The following OTOG variants were observed in gnomAD, a reference collection of about 807,000 sequenced individuals.
OTOG encodes otogelin.
Under a neutral mutation model 313.8 loss-of-function variants are expected in OTOG, and 296 were observed. The observed-to-expected ratio is 0.94, with a 90% CI of 0.86 to 1.04. OTOG has a LOEUF of 1.04. Ranked by LOEUF, OTOG falls within the 50% of genes least tolerant of loss-of-function variation. The pLI is 0.00. For missense variants in OTOG, 3,948 were observed against 3,840.1 expected (o/e 1.03, Z -0.74); for synonymous variants, 1,533 against 1,554.9 (o/e 0.99, Z 0.33).
chr11:17,610,460 G>A lies in OTOG; in HGVS notation c.5160G>A (p.Val1720=). Residue 1720 remains valine (V), a synonymous_variant, in exon 36 of 56, where the codon GTG becomes GTA. Coordinates refer to ENST00000399397, the MANE Select transcript of OTOG (RefSeq NM_001292063.2). The stretch of plus-strand genomic sequence containing the variant: ...TTGCAACCAGGAGCTTGGAGATAGT[G>A]CTATCCACAGAGAAGGGCGAAGCCG... ...SPLATRSLEI[V]LSTEKGEAGH... 6.4e-7 allele frequency: 1 copy of A among 1,550,606 alleles called. No individual in the cohort carries two copies. The highest frequency in any genetic ancestry group is 8.7e-7 in the Non-Finnish European group (1 of 1,146,978).
chr11:17,547,613 G>A, intron 1 of OTOG, 147 bp downstream of exon 1: 1 of 1,259,750 alleles, frequency 7.9e-7, no homozygotes, highest in Non-Finnish European at 1.0e-6. Flanking sequence ...AGCAGTCAGG[G>A]GAGGAGGGAC....
chr11:17,552,085 A>G lies in OTOG; in HGVS notation c.292+10A>G. 3.2e-6 allele frequency: 5 copies of G among 1,550,078 alleles called. No individual in the cohort carries two copies. Among genetic ancestry groups the G allele is most frequent in the Non-Finnish European group, 4.4e-6 (5 of 1,146,530 alleles). ...AAGTGTGCACCATCCTGTAAGTGGC[A>G]CCTTCACTGTGGTCCATGGGTTGTG... On this transcript the variant is annotated intron_variant, in intron 4 of 55. Coordinates refer to ENST00000399397, the MANE Select transcript of OTOG (RefSeq NM_001292063.2).
rs1483179252 is a variant in OTOG at position 17,555,201 on chromosome 11, G to A, written c.541-578G>A. 2.5e-5 allele frequency among the ~76,000 whole-genome samples: 3 copies of A among 120,074 alleles called. No homozygotes were observed. The East Asian group carries it at 6.0e-4, about 24-fold the overall frequency. The allele number at this position is 120,074 out of a possible 152,430, so 78.8% of individuals were successfully genotyped here. ...TCTGGGTTCTGTCTGAATGGCGGGG[G>A]CAGAGATGTGTGTGTGTGTGTGTGT... On this transcript the variant is annotated intron_variant, in intron 6 of 55. Coordinates refer to ENST00000399397, the MANE Select transcript of OTOG (RefSeq NM_001292063.2).
At position 17,560,772 on chromosome 11, in the gene OTOG, C is replaced by T. The variant is rs1438526423; in HGVS notation, c.1406C>T (p.Thr469Ile). ...GAGTGTCCCTGTGAGTTTCACGGGA[C>T]TCTGTACCCACCTGGCTCTGTGGTG... ...PAECPCEFHG[T>I]LYPPGSVVKE... The change falls in exon 13 of 56, where the codon ACT becomes ATT. Residue 469 changes from threonine to isoleucine, a missense_variant. Thr to Ile is a moderately conservative substitution (Grantham distance 89). Coordinates refer to ENST00000399397, the MANE Select transcript of OTOG (RefSeq NM_001292063.2). 6.4e-7 allele frequency: 1 copy of T among 1,550,782 alleles called. No individual in the cohort carries two copies. The highest frequency in any genetic ancestry group is 2.0e-5 in the Admixed American group (1 of 51,002).
intron 44 of OTOG, among the ~76,000 whole-genome samples, 167 bp from the exon 45 acceptor site, chr11:17,634,677 C>T (rs898199437): frequency 1.3e-5 from 2 of 152,072 alleles, no homozygotes; most frequent in Non-Finnish European, 2.9e-5. Context: ...CAGCCCTGAA[C>T]CCTCGTGTGA....
intron 25 of OTOG, among the ~76,000 whole-genome samples, chr11:17,591,996 G>C (rs1852954122): frequency 6.6e-6 from 1 of 152,192 alleles, no homozygotes; most frequent in African/African-American, 2.4e-5. Flanking sequence ...TCAGGCTAAG[G>C]GAAGTTAGGT....
At chr11:17,584,010 G>A (rs548612527) in intron 23 of OTOG, among the ~76,000 whole-genome samples, 6 of 152,260 alleles carry the variant, frequency 3.9e-5, no homozygotes, top group East Asian at 1.9e-4. Flanking sequence ...TAGTTTTCAT[G>A]TGAAGGTTTA....
chr11:17,585,007 G>A (rs79953326), intron 23 of OTOG, among the ~76,000 whole-genome samples: 1,830 of 152,242 alleles, frequency 0.012, 42 homozygotes, highest in African/African-American at 0.042. Flanking sequence ...TACTTGCAAC[G>A]TTTTTGTCTG....
At chr11:17,595,034 C>T (rs1390050439) in intron 28 of OTOG, among the ~76,000 whole-genome samples, 1 of 152,200 alleles carries the variant, frequency 6.6e-6, no homozygotes, top group East Asian at 1.9e-4. Flanking sequence ...ATTTGCCTCT[C>T]CTGGACTTAG....
rs1356863200 is a variant in OTOG, at chr11:17,612,191, C to T, written c.6153C>T (p.His2051=). 1.3e-6 allele frequency: 2 copies of T among 1,550,006 alleles called. No homozygotes were observed. The highest frequency in any genetic ancestry group is 3.9e-5 in the Admixed American group (2 of 51,006). The stretch of plus-strand genomic sequence containing the variant: ...TCGCCGAGCAGGACTGCGTCCGCCA[C>T]ATCTGCCTGGAGGGCCAGCTGATTC... ...VPIAEQDCVR[H]ICLEGQLIRV... is the part of the protein sequence containing the mutation. Residue 2051 remains histidine, a synonymous_variant, in exon 37 of 56, where the codon CAC becomes CAT. Coordinates refer to ENST00000399397, the MANE Select transcript of OTOG (RefSeq NM_001292063.2).
rs774355599 is a variant in OTOG at position 17,612,287 on chromosome 11, G to T, written c.6249G>T (p.Val2083=). 1.9e-5 allele frequency: 30 copies of T among 1,542,248 alleles called. No individual in the cohort carries two copies. Among genetic ancestry groups the T allele is most frequent in the Non-Finnish European group, 2.6e-5 (30 of 1,146,772 alleles). ...GCTGTGGGATCCTGGGCCTCGCCGT[G>T]CGGGTGGGTGGGGACCGCTGCTGCC... ...PPRCGILGLA[V]RVGGDRCCPL... is the part of the protein sequence containing the mutation. The change falls in exon 37 of 56, where the codon GTG becomes GTT. Residue 2083 remains valine, a synonymous_variant. Coordinates refer to ENST00000399397, the MANE Select transcript of OTOG (RefSeq NM_001292063.2).
intron 39 of OTOG, among the ~76,000 whole-genome samples, chr11:17,620,804 G>A (rs1041660951): frequency 6.6e-6 from 1 of 152,072 alleles, no homozygotes; most frequent in Non-Finnish European, 1.5e-5. Flanking sequence ...ATTCTCTTGG[G>A]TCTTTTTTAA....
intron 23 of OTOG, among the ~76,000 whole-genome samples, chr11:17,581,286 C>T (rs1469659018): frequency 6.6e-6 from 1 of 152,158 alleles, no homozygotes; most frequent in East Asian, 1.9e-4. Flanking sequence ...GGTCACACCA[C>T]TGCTCCAGCC....
At chr11:17,580,947 T>C (rs1852650870) in intron 23 of OTOG, among the ~76,000 whole-genome samples, 1 of 152,062 alleles carries the variant, frequency 6.6e-6, no homozygotes, top group South Asian at 2.1e-4. Flanking sequence ...AGTGAAATGA[T>C]AATGGGGTAA....
chr11:17,610,200 C>T lies in OTOG; in HGVS notation c.4900C>T (p.Pro1634Ser), dbSNP rs569097813. The T allele has an allele frequency of 1.3e-6, 2 of 1,550,516 alleles. No individual in the cohort carries two copies. The highest frequency in any genetic ancestry group is 1.7e-6 in the Non-Finnish European group (2 of 1,146,918). Reference sequence around the variant, plus strand: ...TGGCTCCTTGCCTGTTAGGACGACACCCCCACAGCCCTCCTTGACAGCAAG... The same window carrying T: ...TGGCTCCTTGCCTGTTAGGACGACATCCCCACAGCCCTCCTTGACAGCAAG... ...GHGSLPVRTT[P>S]PQPSLTASPS... The change falls in exon 36 of 56, where the codon CCC becomes TCC. Residue 1634 changes from proline to serine, a missense_variant. Physicochemically the swap from Pro to Ser is moderately conservative, Grantham distance 74. Coordinates refer to ENST00000399397, the MANE Select transcript of OTOG (RefSeq NM_001292063.2).
intron 15 of OTOG, among the ~76,000 whole-genome samples, chr11:17,562,354 A>C (rs1852210751): frequency 6.6e-6 from 1 of 152,140 alleles, no homozygotes; most frequent in Non-Finnish European, 1.5e-5. Context: ...AAAATTTTCA[A>C]ACATTTTATA....
rs1189133443 is a variant in OTOG at position 17,632,193 on chromosome 11, G to C, written c.7039G>C (p.Val2347Leu). 1.9e-6 allele frequency: 3 copies of C among 1,551,094 alleles called. No individual in the cohort carries two copies. In the South Asian group the frequency reaches 3.6e-5, roughly 18 times the overall value. The change falls in exon 42 of 56, where the codon GTG (valine) becomes CTG (leucine). Residue 2347 changes from valine (V) to leucine (L), a missense_variant. Transcript: ENST00000399397. ...CGTGGCCATGTGCCACAAATTTCAT[G>C]TGTGCATCGAGTGGCGGCGCTCTGA... ...VYVAMCHKFHVCIEWRRSDYC... is the reference protein window; with the variant it reads ...VYVAMCHKFHLCIEWRRSDYC...
At chr11:17,560,257 A>T (rs1419821972) in intron 12 of OTOG, among the ~76,000 whole-genome samples, 7 of 152,214 alleles carry the variant, frequency 4.6e-5, no homozygotes, top group African/African-American at 1.7e-4. Context: ...TGGGAATCAG[A>T]ATCTGGTTTC....
intron 18 of OTOG, 88 bp from the exon 19 acceptor site, chr11:17,572,990 T>C (rs1852436958): frequency 8.0e-6 from 10 of 1,247,640 alleles, no homozygotes; most frequent in Non-Finnish European, 1.0e-5. Flanking sequence ...CACACACCCC[T>C]GAGCCATGGG....
Sources: gnomAD v4.1 joint callset for allele counts (sites outside exome capture counted in the v4.1 genomes callset) on GRCh38, gnomAD v4.1.1 for gene constraint, MANE v1.5 for transcripts, NCBI Gene and HGNC (gene_info 2026-07-23, HGNC 2026-07-21) for gene names.